The following PARP11 variants were observed in gnomAD, a reference collection of about 807,000 sequenced individuals.
PARP11 encodes the protein protein mono-ADP-ribosyltransferase PARP11.
A neutral mutation model predicts 42.9 loss-of-function variants in PARP11; 31 were observed. That is an observed-to-expected ratio of 0.72 (90% confidence interval 0.54 to 0.98). The LOEUF is 0.98. PARP11 is among the 50% of genes least tolerant of loss of function. PARP11 has a pLI of 0.00. For synonymous variants in PARP11, 137 were observed against 127.3 expected (o/e 1.08, Z -0.51); for missense variants, 365 against 413.1 (o/e 0.88, Z 1.01).
At position 3,861,429 on chromosome 12, in the gene PARP11, T is replaced by C. The variant is rs971423068; in HGVS notation, c.18+11783A>G. On this transcript the variant is annotated intron_variant, in intron 1 of 7. Coordinates refer to ENST00000228820, the MANE Select transcript of PARP11 (RefSeq NM_020367.6). This position sits in a 1 kb window ranked among gnomAD's most constrained non-coding sequence, Gnocchi z 4.6. ...TTTCCATTTCCCTAAAGAATAATGA[T>C]GTTGAACATCTTTTCATGTTGTTAT... 2.0e-5 allele frequency among the ~76,000 whole-genome samples: 3 copies of C among 152,218 alleles called. No homozygotes were observed. The highest frequency in any genetic ancestry group is 4.4e-5 in the Non-Finnish European group (3 of 68,032).
At chr12:3,838,623 A>T (rs1476730642) in intron 1 of PARP11, among the ~76,000 whole-genome samples, 1 of 152,228 alleles carries the variant, frequency 6.6e-6, no homozygotes, top group Non-Finnish European at 1.5e-5. Context: ...AATAAATAAA[A>T]TTGAGACTTA....
chr12:3,822,697 T>C (rs1330999291), intron 4 of PARP11, among the ~76,000 whole-genome samples: 4 of 151,956 alleles, frequency 2.6e-5, no homozygotes, highest in African/African-American at 9.7e-5. Context: ...CTATATATCA[T>C]AAAAATTTCA....
At chr12:3,812,502 A>C in intron 7 of PARP11, 63 bp from the exon 8 acceptor site, 1 of 1,247,106 alleles carries the variant, frequency 8.0e-7, no homozygotes, top group Non-Finnish European at 1.1e-6. Flanking sequence ...AAACAAGCAA[A>C]AACATTTTGT....
intron 4 of PARP11, among the ~76,000 whole-genome samples, chr12:3,824,308 A>T (rs899526579): frequency 6.6e-6 from 1 of 152,204 alleles, no homozygotes; most frequent in Non-Finnish European, 1.5e-5. Context: ...TAATATGGAG[A>T]ATATCCCTTC....
rs572685073 is a variant in PARP11, at chr12:3,840,673, T to C, written c.19-10655A>G. ...AGAGAAAATCATCACACGTAAGTGA[T>C]AGAAAAGGAAGCAGGCGGAGAATGG... On this transcript the variant is annotated intron_variant, in intron 1 of 7. Coordinates refer to ENST00000228820, the MANE Select transcript of PARP11 (RefSeq NM_020367.6). This position sits in a 1 kb window ranked among gnomAD's most constrained non-coding sequence, Gnocchi z 4.4. 2,009 of 1,208,936 alleles carry C rather than the reference T, an allele frequency of 1.7e-3. 7 individuals carry two copies. The highest frequency in any genetic ancestry group is 2.0e-3 in the South Asian group (164 of 82,976). 74.9% of individuals were successfully genotyped at this position (1,208,936 alleles called of 1,614,324 possible). A position where few individuals can be genotyped will look rare whatever the true frequency, so the allele number is the denominator to read the frequency against.
intron 6 of PARP11, among the ~76,000 whole-genome samples, chr12:3,814,583 A>T (rs1947248375): frequency 6.6e-6 from 1 of 152,228 alleles, no homozygotes; most frequent in Non-Finnish European, 1.5e-5. Flanking sequence ...GGATCATGTC[A>T]TATGCTTTTT....
chr12:3,841,798 A>G (rs958685224), intron 1 of PARP11: 2 of 1,610,648 alleles, frequency 1.2e-6, no homozygotes, highest in Non-Finnish European at 1.7e-6. Context: ...AAATCCAGTA[A>G]TGAGGCAGAA....
rs553289853 is a variant in PARP11, at chr12:3,862,481, A to AT, written c.18+10730dup. Among the ~76,000 whole-genome samples, 21 of 151,500 alleles carry AT rather than the reference A, an allele frequency of 1.4e-4. 1 individual carries two copies. In the South Asian group the frequency reaches 2.9e-3, roughly 21 times the overall value. ...AATAAATATATGTATTTTTTTTTCT[A>AT]TTTTTTTCACCTGGAAATTTGTAGT... is the stretch of plus-strand genomic sequence containing the variant. On this transcript the variant is annotated intron_variant, in intron 1 of 7. Coordinates refer to ENST00000228820, the MANE Select transcript of PARP11 (RefSeq NM_020367.6).
intron 1 of PARP11, chr12:3,841,641 G>C: frequency 6.2e-7 from 1 of 1,613,602 alleles, no homozygotes; most frequent in Admixed American, 1.7e-5. Context: ...GGCAGCTTCT[G>C]CATGCTGATT....
chr12:3,842,020 T>C lies in PARP11; in HGVS notation c.19-12002A>G, dbSNP rs376847006. 55 of 1,611,558 alleles carry C rather than the reference T, an allele frequency of 3.4e-5. No homozygotes were observed. In the African/African-American group the frequency reaches 6.0e-4, roughly 18 times the overall value. On this transcript the variant is annotated intron_variant, in intron 1 of 7. Transcript: ENST00000228820. Reference sequence around the variant, plus strand: ...CCAGACACGAAAGGCAGATATGGCATTGGCTTCCATCCCTCCTGTAGCAGA... The same window carrying C: ...CCAGACACGAAAGGCAGATATGGCACTGGCTTCCATCCCTCCTGTAGCAGA...
chr12:3,853,349 A>C (rs1054884186), intron 1 of PARP11, among the ~76,000 whole-genome samples: 2 of 152,236 alleles, frequency 1.3e-5, no homozygotes, highest in African/African-American at 4.8e-5. Context: ...CAAATTGGAT[A>C]AAGAGTCAAG....
intron 6 of PARP11, 129 bp downstream of exon 6, chr12:3,821,744 C>A: frequency 4.2e-6 from 4 of 956,216 alleles, no homozygotes; most frequent in Non-Finnish European, 6.3e-6. Context: ...AGCCTTGAGA[C>A]CAGGTCAAAA....
chr12:3,814,586 T>C (rs1591756624), intron 6 of PARP11, among the ~76,000 whole-genome samples: 2 of 152,220 alleles, frequency 1.3e-5, no homozygotes, highest in East Asian at 1.9e-4. Flanking sequence ...TCATGTCATA[T>C]GCTTTTTATC....
chr12:3,824,531 A>G (rs749147550), intron 4 of PARP11: 361 of 400,688 alleles, frequency 9.0e-4, no homozygotes, highest in Non-Finnish European at 1.1e-3. Context: ...CAGTAAATAA[A>G]TATTTCTATA....
chr12:3,820,436 TCA>T (rs1565532203), intron 6 of PARP11, among the ~76,000 whole-genome samples: 1 of 152,196 alleles, frequency 6.6e-6, no homozygotes, highest in Non-Finnish European at 1.5e-5. Context: ...TCACTTACCA[TCA>T]CAGATTTCTA....
intron 1 of PARP11, chr12:3,842,093 A>C (rs1947901383): frequency 6.2e-7 from 1 of 1,603,792 alleles, no homozygotes; most frequent in African/African-American, 1.3e-5. Flanking sequence ...GAGAGAGAGA[A>C]ATTGTGCCTG....
intron 6 of PARP11, among the ~76,000 whole-genome samples, chr12:3,819,791 A>ACGAT (rs1947357990): frequency 6.6e-6 from 1 of 152,166 alleles, no homozygotes; most frequent in African/African-American, 2.4e-5. Flanking sequence ...GCTACTAAAG[A>ACGAT]CGATCACACA....
At chr12:3,872,652 G>A in intron 1 of PARP11, 1 of 985,306 alleles carries the variant, frequency 1.0e-6, no homozygotes, top group Non-Finnish European at 1.2e-6. Flanking sequence ...AAGGAGAACT[G>A]ATGGCTCCTC....
chr12:3,853,158 C>A (rs1462428408), intron 1 of PARP11, among the ~76,000 whole-genome samples: 1 of 152,152 alleles, frequency 6.6e-6, no homozygotes, highest in Non-Finnish European at 1.5e-5. Context: ...AAGGAACAAC[C>A]CGTACCAGCC....
Sources: allele counts gnomAD v4.1 joint callset (sites outside exome capture counted in the v4.1 genomes callset), GRCh38; gene constraint gnomAD v4.1.1; non-coding constraint Gnocchi (gnomAD v3.1); transcripts MANE v1.5; gene names NCBI Gene and HGNC (gene_info 2026-07-23, HGNC 2026-07-21).